The following PSD3 variants were observed in gnomAD, a reference collection of about 807,000 sequenced individuals.
The protein encoded by PSD3 is pleckstrin and Sec7 domain containing 3.
In PSD3, 49 loss-of-function variants were observed where a neutral mutation model predicts 105.5. That is an observed-to-expected ratio of 0.46 (90% CI 0.37 to 0.59). PSD3 has a LOEUF of 0.59. PSD3 is among the 20% of genes least tolerant of loss of function. The pLI is 0.00. For missense variants in PSD3, 1,561 were observed against 1,263.8 expected (o/e 1.24, Z -3.57); for synonymous variants, 557 against 457.8 (o/e 1.22, Z -2.77).
chr8:18,952,400 A>C (rs1470713932), intron 1 of PSD3, among the ~76,000 whole-genome samples: 1 of 152,234 alleles, frequency 6.6e-6, no homozygotes, highest in Non-Finnish European at 1.5e-5. Flanking sequence ...GCTCCAAATA[A>C]TTAAATTTTA....
chr8:18,668,506 G>C (rs746104597), intron 9 of PSD3, among the ~76,000 whole-genome samples: 4 of 152,170 alleles, frequency 2.6e-5, no homozygotes, highest in Non-Finnish European at 4.4e-5. Flanking sequence ...CCATATATGA[G>C]AGAGGTAGTA....
intron 12 of PSD3, among the ~76,000 whole-genome samples, chr8:18,591,863 C>A (rs548752836): frequency 1.3e-5 from 2 of 152,128 alleles, no homozygotes; most frequent in Non-Finnish European, 2.9e-5. Context: ...AGACAGACAT[C>A]AAAGGGTGCA....
intron 1 of PSD3, among the ~76,000 whole-genome samples, chr8:18,956,747 C>T (rs1823595495): frequency 6.6e-6 from 1 of 152,034 alleles, no homozygotes; most frequent in Non-Finnish European, 1.5e-5. Flanking sequence ...ACATATATCC[C>T]TCTCTAGCTT....
intron 4 of PSD3, among the ~76,000 whole-genome samples, chr8:18,839,771 CA>C (rs1467510139): frequency 1.3e-5 from 2 of 152,156 alleles, no homozygotes; most frequent in African/African-American, 4.8e-5. Flanking sequence ...TCACGCAAAG[CA>C]ACACTTGGGC....
chr8:18,946,436 C>A (rs1019750552), intron 1 of PSD3, among the ~76,000 whole-genome samples: 13 of 152,028 alleles, frequency 8.6e-5, no homozygotes, highest in Non-Finnish European at 1.8e-4. Context: ...AAAAAATCAG[C>A]CAGGCAGAGT....
At chr8:18,923,026 C>T (rs953118310) in intron 2 of PSD3, among the ~76,000 whole-genome samples, 24 of 152,082 alleles carry the variant, frequency 1.6e-4, no homozygotes, top group Non-Finnish European at 3.1e-4. Flanking sequence ...TTGGTGATTT[C>T]CTTAAACTTC....
intron 4 of PSD3, among the ~76,000 whole-genome samples, chr8:18,829,829 T>A (rs573072071): frequency 3.3e-5 from 5 of 152,290 alleles, no homozygotes; most frequent in African/African-American, 1.2e-4. Context: ...ACTACAATTT[T>A]GTAAAAAGAC....
chr8:18,594,711 C>A lies in PSD3; in HGVS notation c.2481+5653G>T, dbSNP rs901717871. On this transcript the variant is annotated intron_variant, in intron 12 of 15. Coordinates refer to ENST00000327040, the MANE Select transcript of PSD3 (RefSeq NM_015310.4). The stretch of plus-strand genomic sequence containing the variant: ...AATCCATGGATGCTCAAGTCACTTA[C>A]ATAACATGACACAGTATTTGCATAT... 4.0e-5 allele frequency among the ~76,000 whole-genome samples: 6 copies of A among 151,678 alleles called. No homozygotes were observed. In the Admixed American group the frequency reaches 4.0e-4, roughly 10 times the overall value.
At chr8:18,778,537 T>C (rs1328804541) in intron 8 of PSD3, among the ~76,000 whole-genome samples, 1 of 152,106 alleles carries the variant, frequency 6.6e-6, no homozygotes, top group Non-Finnish European at 1.5e-5. Context: ...TTGTTTTAGT[T>C]CTTAGAAGAA....
chr8:18,811,314 T>C (rs1387265342), intron 4 of PSD3, among the ~76,000 whole-genome samples: 1 of 152,188 alleles, frequency 6.6e-6, no homozygotes, highest in Non-Finnish European at 1.5e-5. Context: ...TCCATTTTGC[T>C]CCTGCCAGTC....
Position 19,055,740 on chromosome 8 carries a change from C to T in PSD3, c.324+28466G>A, listed in dbSNP as rs139950840. Among the ~76,000 whole-genome samples the T allele has an allele frequency of 3.5e-4, 54 of 152,334 alleles. 1 individual carries two copies. Among genetic ancestry groups the T allele is most frequent in the African/African-American group, 1.3e-3 (53 of 41,584 alleles). On this transcript the variant is annotated intron_variant, in intron 1 of 1. Coordinates refer to the PSD3 transcript ENST00000521475. ...AATTAAGACAAGTGCACTGAAATGT[C>T]AAACCTCACTGAATTCACACCTCCT...
intron 2 of PSD3, among the ~76,000 whole-genome samples, chr8:18,907,935 A>G (rs1819954524): frequency 6.6e-6 from 1 of 152,234 alleles, no homozygotes; most frequent in African/African-American, 2.4e-5. Context: ...TGCACTCGGC[A>G]CACAAGAATG....
chr8:18,585,882 G>C (rs978417573), intron 12 of PSD3, among the ~76,000 whole-genome samples: 1 of 152,074 alleles, frequency 6.6e-6, no homozygotes, highest in Non-Finnish European at 1.5e-5. Flanking sequence ...TGACAGACTT[G>C]GAGTTTGACA....
intron 10 of PSD3, among the ~76,000 whole-genome samples, chr8:18,639,888 A>G (rs1807519482): frequency 6.6e-6 from 1 of 152,174 alleles, no homozygotes; most frequent in African/African-American, 2.4e-5. Context: ...ACTGTGTCTC[A>G]GTACTTGCTC....
At position 18,535,378 on chromosome 8, in the gene PSD3, A is replaced by T. The variant is rs1318954063; in HGVS notation, c.*365T>A. 1 of 216,718 alleles carries T rather than the reference A, an allele frequency of 4.6e-6. No individual in the cohort carries two copies. Among genetic ancestry groups the T allele is most frequent in the Admixed American group, 5.2e-5 (1 of 19,254 alleles). The allele number at this position is 216,718 out of a possible 1,614,324, so 13.4% of individuals were successfully genotyped here. On this transcript the variant is annotated 3_prime_UTR_variant, in exon 16 of 16. Transcript: ENST00000327040. ...TGTCCAGTTAAGTGTTTCACAATGG[A>T]TTAAATTCTTTAACCTTAAAAAAAA...
At chr8:18,865,248 A>T (rs374480211) in intron 4 of PSD3, 7 of 18,600 alleles carry the variant, frequency 3.8e-4, no homozygotes, top group African/African-American at 1.3e-3. Context: ...ATATATATAT[A>T]TATATATATA....
intron 4 of PSD3, among the ~76,000 whole-genome samples, chr8:18,835,836 G>C (rs1038363877): frequency 6.6e-6 from 1 of 152,212 alleles, no homozygotes; most frequent in Non-Finnish European, 1.5e-5. Flanking sequence ...TGAGCAACAA[G>C]AGTGGGAGGA....
intron 10 of PSD3, among the ~76,000 whole-genome samples, chr8:18,638,867 C>T (rs1324292676): frequency 6.6e-6 from 1 of 152,130 alleles, no homozygotes; most frequent in African/African-American, 2.4e-5. Context: ...CAGCATGATA[C>T]TGGTATAAAA....
rs143807620 is a variant in PSD3, at chr8:19,049,271, A to G, written c.324+34935T>C. On this transcript the variant is annotated intron_variant, in intron 1 of 1. Transcript: ENST00000521475. ...TGATATCTTGCAAGGTGGAGCGGAG[A>G]GACTATCTCCCATCGTCGTAGTCCT... is the stretch of plus-strand genomic sequence containing the variant. Among the ~76,000 whole-genome samples the G allele has an allele frequency of 7.2e-5, 11 of 152,256 alleles. No individual in the cohort carries two copies. The East Asian group carries it at 2.1e-3, about 29-fold the overall frequency.
Sources: allele counts gnomAD v4.1 joint callset (sites outside exome capture counted in the v4.1 genomes callset), GRCh38; gene constraint gnomAD v4.1.1; transcripts MANE v1.5; gene names NCBI Gene and HGNC (gene_info 2026-07-23, HGNC 2026-07-21).